EYA1: variants seen among roughly 807,000 people sequenced by gnomAD.
EYA1 encodes the protein protein phosphatase EYA1.
Under a neutral mutation model 82.0 loss-of-function variants are expected in EYA1, and 16 were observed. That is an observed-to-expected ratio of 0.20 (90% CI 0.13 to 0.30). The LOEUF (loss-of-function observed/expected upper bound fraction) is 0.30, where lower values mean the gene tolerates loss of function less well. Ranked by LOEUF, EYA1 falls within the 10% of genes least tolerant of loss-of-function variation. The pLI, the probability that EYA1 is intolerant of heterozygous loss-of-function variation, is 1.00. For synonymous variants in EYA1, 261 were observed against 264.4 expected, an observed-to-expected ratio of 0.99 and a Z score of 0.12; for missense variants, 633 against 730.7, an observed-to-expected ratio of 0.87 and a Z score of 1.54.
At chr8:71,383,314 C>G (rs1828813094) in intron 2 of EYA1, among the ~76,000 whole-genome samples, 1 of 152,056 alleles carries the variant, frequency 6.6e-6, no homozygotes, top group African/African-American at 2.4e-5. Context: ...TTGCAGCCAG[C>G]AATTTCACTT....
intron 2 of EYA1, among the ~76,000 whole-genome samples, chr8:71,461,620 C>T (rs1428466438): frequency 6.6e-6 from 1 of 152,192 alleles, no homozygotes; most frequent in Non-Finnish European, 1.5e-5. Context: ...GGGCATGTTT[C>T]AGCCCTGTTT....
chr8:71,419,597 T>C (rs901452715), intron 2 of EYA1, among the ~76,000 whole-genome samples: 3 of 152,158 alleles, frequency 2.0e-5, no homozygotes, highest in East Asian at 1.9e-4. Context: ...GGGTTCAAAA[T>C]TGTTGAAACT....
intron 12 of EYA1, among the ~76,000 whole-genome samples, chr8:71,221,811 G>A (rs1809956193): frequency 6.6e-6 from 1 of 152,122 alleles, no homozygotes; most frequent in African/African-American, 2.4e-5. Flanking sequence ...CACATTAAGA[G>A]ACCTAATGGC....
intron 2 of EYA1, chr8:71,470,789 A>T: frequency 2.3e-6 from 1 of 441,728 alleles, no homozygotes; most frequent in South Asian, 1.6e-5. Context: ...TGTGGCTAAA[A>T]GATGTATGTA....
At position 71,299,691 on chromosome 8, in the gene EYA1, A is replaced by G; in HGVS notation, c.586T>C (p.Tyr196His). 1 of 1,581,674 alleles carries G rather than the reference A, an allele frequency of 6.3e-7. No homozygotes were observed. The highest frequency in any genetic ancestry group is 8.7e-7 in the Non-Finnish European group (1 of 1,151,478). Residue 196 changes from tyrosine to histidine, a missense_variant, in exon 8 of 18, where the codon TAT (tyrosine) becomes CAT (histidine). Tyr to His is a moderately conservative substitution (Grantham distance 83). Coordinates refer to ENST00000340726, the MANE Select transcript of EYA1 (RefSeq NM_000503.6). ...GSSFTTSSGI[Y>H]TGNNSLTNSS... ...TTTGTGAGTGAATTATTTCCTGTATATATTCCTGATGATGTTGTAAAACTG... is the reference window on the plus strand; with the variant it reads ...TTTGTGAGTGAATTATTTCCTGTATGTATTCCTGATGATGTTGTAAAACTG...
intron 2 of EYA1, among the ~76,000 whole-genome samples, chr8:71,519,200 A>G (rs1283132028): frequency 6.6e-6 from 1 of 152,206 alleles, no homozygotes. Flanking sequence ...TTACACCTAG[A>G]CAGTGCTTCT....
chr8:71,482,906 G>A (rs1178518649), intron 2 of EYA1, among the ~76,000 whole-genome samples: 1 of 152,166 alleles, frequency 6.6e-6, no homozygotes, highest in Admixed American at 6.5e-5. Context: ...TACAATGGAG[G>A]TAGTGTAAAT....
At chr8:71,426,750 A>C (rs1033045285) in intron 2 of EYA1, among the ~76,000 whole-genome samples, 3 of 152,238 alleles carry the variant, frequency 2.0e-5, no homozygotes, top group Non-Finnish European at 2.9e-5. Flanking sequence ...TAGAAATATA[A>C]ATTCCCAAAT....
intron 9 of EYA1, among the ~76,000 whole-genome samples, chr8:71,279,208 C>A (rs185071712): frequency 6.3e-4 from 96 of 152,242 alleles, no homozygotes; most frequent in Non-Finnish European, 1.1e-3. Flanking sequence ...ATGGGAGACT[C>A]AGATAAAAAT....
chr8:71,361,817 A>G lies in EYA1; in HGVS notation c.-225T>C. On this transcript the variant is annotated 5_prime_UTR_variant, in exon 1 of 18. Coordinates refer to ENST00000340726, the MANE Select transcript of EYA1 (RefSeq NM_000503.6). ...GGAGTGGAGCGCCTCTGCAGGGGAAAGCTCGGCGCAGGGGGCAGGCGCCTG... is the reference window on the plus strand; with the variant it reads ...GGAGTGGAGCGCCTCTGCAGGGGAAGGCTCGGCGCAGGGGGCAGGCGCCTG... 3.0e-6 allele frequency: 3 copies of G among 985,438 alleles called. No homozygotes were observed. Among genetic ancestry groups the G allele is most frequent in the Non-Finnish European group, 3.6e-6 (3 of 829,940 alleles). The allele number at this position is 985,438 out of a possible 1,614,324, so 61.0% of individuals were successfully genotyped here.
At chr8:71,390,752 T>G (rs6984553) in intron 2 of EYA1, among the ~76,000 whole-genome samples, 62,078 of 151,716 alleles carry the variant, frequency 0.41, 12,865 homozygotes, top group Middle Eastern at 0.45. Flanking sequence ...CTTTTCTTCT[T>G]AGACTCCAGT....
intron 2 of EYA1, among the ~76,000 whole-genome samples, chr8:71,391,276 C>G (rs1206702622): frequency 2.0e-5 from 3 of 152,184 alleles, no homozygotes; most frequent in Non-Finnish European, 2.9e-5. Context: ...AGCTACTGTA[C>G]CCAGCCAAAA....
At chr8:71,449,014 G>A (rs530975937) in intron 2 of EYA1, 8 of 167,214 alleles carry the variant, frequency 4.8e-5, no homozygotes, top group East Asian at 1.9e-4. Context: ...TACGAATGCC[G>A]ACAGAAAACA....
At chr8:71,452,917 G>A (rs1807515122) in intron 2 of EYA1, among the ~76,000 whole-genome samples, 1 of 152,232 alleles carries the variant, frequency 6.6e-6, no homozygotes, top group African/African-American at 2.4e-5. Flanking sequence ...AAGCTGGATG[G>A]AGAATGACTT....
intron 2 of EYA1, among the ~76,000 whole-genome samples, chr8:71,367,552 G>GAA (rs3066860): frequency 2.2e-5 from 3 of 135,656 alleles, no homozygotes; most frequent in Non-Finnish European, 3.2e-5. Context: ...TCCCAAATCG[G>GAA]AAAAAAAAAA....
At chr8:71,230,630 T>A (rs994601053) in intron 12 of EYA1, among the ~76,000 whole-genome samples, 1 of 152,192 alleles carries the variant, frequency 6.6e-6, no homozygotes, top group Non-Finnish European at 1.5e-5. Context: ...ACCTCTGAAG[T>A]GTTTACTGTC....
chr8:71,359,837 A>G (rs1827215260), intron 1 of EYA1, among the ~76,000 whole-genome samples: 1 of 152,166 alleles, frequency 6.6e-6, no homozygotes, highest in Non-Finnish European at 1.5e-5. Flanking sequence ...CCACAGATCA[A>G]CCTGAGTACT....
rs142292713 is a variant in EYA1 at position 71,537,222 on chromosome 8, T to G, written c.-72-1374A>C. Among the ~76,000 whole-genome samples, 25 of 152,352 alleles carry G rather than the reference T, an allele frequency of 1.6e-4. No individual in the cohort carries two copies. In the East Asian group the frequency reaches 4.8e-3, roughly 29 times the overall value. Reference sequence around the variant, plus strand: ...AGATTCTTAAAATTTAGACAAGCCATATTAAAGCACTATGTTTTTGTAATT... The same window carrying G: ...AGATTCTTAAAATTTAGACAAGCCAGATTAAAGCACTATGTTTTTGTAATT... On this transcript the variant is annotated intron_variant, in intron 1 of 18. Coordinates refer to the EYA1 transcript ENST00000643681.
intron 2 of EYA1, among the ~76,000 whole-genome samples, chr8:71,423,808 A>G (rs1169830068): frequency 1.3e-5 from 2 of 152,234 alleles, no homozygotes; most frequent in Non-Finnish European, 2.9e-5. Flanking sequence ...AAAGGCATAC[A>G]TTCCAAAATA....
Sources: allele counts gnomAD v4.1 joint callset (sites outside exome capture counted in the v4.1 genomes callset), GRCh38; gene constraint gnomAD v4.1.1; transcripts MANE v1.5; gene names NCBI Gene and HGNC (gene_info 2026-07-23, HGNC 2026-07-21).